SUGCT: variants seen among roughly 807,000 people sequenced by gnomAD.
SUGCT encodes succinyl-CoA:glutarate-CoA transferase.
SUGCT carries 41 observed loss-of-function variants against 55.0 expected under a neutral mutation model. The ratio of observed to expected loss-of-function variants is 0.74; its 90% CI spans 0.58 to 0.97. The LOEUF is 0.97. Among genes scored for constraint, SUGCT ranks in the 50% least tolerant of loss-of-function variants. The pLI, the probability that SUGCT is intolerant of heterozygous loss-of-function variation, is 0.00. For missense variants in SUGCT, 568 were observed against 547.8 expected (o/e 1.04, Z -0.37); for synonymous variants, 187 against 200.4 (o/e 0.93, Z 0.56).
chr7:40,509,521 C>G (rs1290112763), intron 12 of SUGCT, among the ~76,000 whole-genome samples: 1 of 152,146 alleles, frequency 6.6e-6, no homozygotes, highest in East Asian at 1.9e-4. Flanking sequence ...CCATTGTCAG[C>G]AGAGGATTGC....
At chr7:40,191,355 A>G (rs991628563) in intron 5 of SUGCT, among the ~76,000 whole-genome samples, 1 of 152,100 alleles carries the variant, frequency 6.6e-6, no homozygotes, top group Non-Finnish European at 1.5e-5. Context: ...ACTTAGCTTC[A>G]ATTGCTCTGC....
At chr7:40,794,773 CA>C (rs2128747079) in intron 13 of SUGCT, among the ~76,000 whole-genome samples, 1 of 152,240 alleles carries the variant, frequency 6.6e-6, no homozygotes, top group South Asian at 2.1e-4. Context: ...TGTATCCTAA[CA>C]TTTTTTTAAT....
intron 9 of SUGCT, among the ~76,000 whole-genome samples, chr7:40,408,095 AAGAC>A (rs1786479627): frequency 6.6e-6 from 1 of 152,186 alleles, no homozygotes; most frequent in South Asian, 2.1e-4. Flanking sequence ...TTTTATTTAA[AAGAC>A]AGTATTGCTA....
At chr7:40,339,309 T>C (rs1039588873) in intron 9 of SUGCT, among the ~76,000 whole-genome samples, 2 of 152,204 alleles carry the variant, frequency 1.3e-5, no homozygotes, top group Non-Finnish European at 2.9e-5. Context: ...CAGGGGTTTC[T>C]CTGCCTTTTG....
At chr7:40,226,189 T>C (rs1158886938) in intron 6 of SUGCT, among the ~76,000 whole-genome samples, 1 of 152,186 alleles carries the variant, frequency 6.6e-6, no homozygotes, top group Non-Finnish European at 1.5e-5. Flanking sequence ...GGAAAGTAAC[T>C]ATCTGTAGGT....
At chr7:40,985,777 G>T in the SUGCT span, among the ~76,000 whole-genome samples, 1 of 152,188 alleles carries the variant, frequency 6.6e-6, no homozygotes, top group Non-Finnish European at 1.5e-5. Flanking sequence ...AATCAGATCT[G>T]TATCTTAGAA....
intron 12 of SUGCT, among the ~76,000 whole-genome samples, chr7:40,746,369 C>A (rs1787730826): frequency 6.6e-6 from 1 of 152,060 alleles, no homozygotes; most frequent in Non-Finnish European, 1.5e-5. Context: ...AGAAGAAAGC[C>A]TATGGAATTG....
intron 13 of SUGCT, chr7:40,782,779 T>C (rs1789821510): frequency 6.6e-6 from 1 of 152,230 alleles, no homozygotes; most frequent in South Asian, 2.1e-4. Flanking sequence ...GCCATGTTCT[T>C]GTTTAGCAAA....
chr7:40,422,037 A>G (rs1381209453), intron 9 of SUGCT, among the ~76,000 whole-genome samples: 4 of 150,504 alleles, frequency 2.7e-5, no homozygotes, highest in Non-Finnish European at 4.4e-5. Flanking sequence ...ATTTGTCCTC[A>G]GATCAAGTCC....
At chr7:40,677,249 G>A (rs566415964) in intron 12 of SUGCT, among the ~76,000 whole-genome samples, 18 of 152,300 alleles carry the variant, frequency 1.2e-4, no homozygotes, top group African/African-American at 4.1e-4. Context: ...TTTAGGACGT[G>A]TTCTCTAAAG....
intron 10 of SUGCT, among the ~76,000 whole-genome samples, chr7:40,450,938 T>A (rs1256558997): frequency 6.6e-6 from 1 of 152,010 alleles, no homozygotes; most frequent in Admixed American, 6.6e-5. Flanking sequence ...AGCTGACAAA[T>A]GGAGATAGTT....
the SUGCT span, among the ~76,000 whole-genome samples, chr7:40,945,975 C>G: frequency 2.0e-5 from 3 of 152,146 alleles, no homozygotes; most frequent in Admixed American, 6.6e-5. Context: ...TGTGAGATAC[C>G]TTGGTTAGAA....
At chr7:40,394,742 G>A (rs1335587533) in intron 9 of SUGCT, among the ~76,000 whole-genome samples, 1 of 152,142 alleles carries the variant, frequency 6.6e-6, no homozygotes, top group Non-Finnish European at 1.5e-5. Context: ...CTATGAGTTT[G>A]ACTTTTTCAC....
intron 6 of SUGCT, among the ~76,000 whole-genome samples, chr7:40,211,765 GC>G (rs757023364): frequency 1.2e-4 from 19 of 152,052 alleles, no homozygotes; most frequent in Non-Finnish European, 2.5e-4. Context: ...TTCTTCTCAT[GC>G]CCCACCTCTC....
chr7:40,138,799 A>C (rs1299057803), intron 1 of SUGCT, among the ~76,000 whole-genome samples: 1 of 152,160 alleles, frequency 6.6e-6, no homozygotes, highest in African/African-American at 2.4e-5. Flanking sequence ...GTACACAGAA[A>C]TTTTCAGGGA....
At chr7:40,186,363 A>C (rs1785509808) in intron 3 of SUGCT, among the ~76,000 whole-genome samples, 1 of 151,322 alleles carries the variant, frequency 6.6e-6, no homozygotes, top group Admixed American at 6.6e-5. Flanking sequence ...AGCTCAAGTG[A>C]TCCTACCACC....
chr7:40,898,429 ACT>A, the SUGCT span, among the ~76,000 whole-genome samples: 1 of 120,208 alleles, frequency 8.3e-6, no homozygotes, highest in South Asian at 2.7e-4. Flanking sequence ...GAACTGTAAC[ACT>A]CGGCAGGGCA....
intron 11 of SUGCT, among the ~76,000 whole-genome samples, chr7:40,489,419 G>A (rs1331358756): frequency 2.6e-5 from 4 of 152,066 alleles, no homozygotes; most frequent in East Asian, 1.9e-4. Flanking sequence ...GGTGGCTCAC[G>A]CCTTTAATCC....
intron 12 of SUGCT, among the ~76,000 whole-genome samples, chr7:40,572,605 G>A (rs76660961): frequency 0.029 from 4,378 of 152,214 alleles, 196 homozygotes; most frequent in African/African-American, 0.1. Context: ...AGTTTAAAAA[G>A]CAAAGGTAGA....
Sources: allele counts gnomAD v4.1 joint callset (sites outside exome capture counted in the v4.1 genomes callset), GRCh38; gene constraint gnomAD v4.1.1; transcripts MANE v1.5; gene names NCBI Gene and HGNC (gene_info 2026-07-23, HGNC 2026-07-21).